TRIM62: variants seen among roughly 807,000 people sequenced by gnomAD.
TRIM62 encodes tripartite motif containing 62, also known as E3 ubiquitin-protein ligase TRIM62.
TRIM62 carries 39 observed loss-of-function variants against 44.2 expected under a neutral mutation model. That is an observed-to-expected ratio of 0.88 (90% CI 0.68 to 1.15). The LOEUF is 1.15. Among genes scored for constraint, TRIM62 ranks in the 50% most tolerant of loss-of-function variants. The pLI is 0.00. For synonymous variants in TRIM62, 278 were observed against 292.3 expected, an observed-to-expected ratio of 0.95 and a Z score of 0.50; for missense variants, 544 against 665.5, an observed-to-expected ratio of 0.82 and a Z score of 2.01.
rs1348483092 is a variant in TRIM62 at position 33,167,106 on chromosome 1, A to G, written c.409-1540T>C. Among the ~76,000 whole-genome samples the G allele has an allele frequency of 2.6e-5, 4 of 151,042 alleles. No homozygotes were observed. Among genetic ancestry groups the G allele is most frequent in the Non-Finnish European group, 4.4e-5 (3 of 67,816 alleles). ...CTATTCCCTCTGGCTGGTGGCCTCC[A>G]CTCTCAGAGTTTCTCACGGTGACTC... On this transcript the variant is annotated intron_variant, in intron 1 of 4. Coordinates refer to ENST00000291416, the MANE Select transcript of TRIM62 (RefSeq NM_018207.3). The surrounding 1 kb of genome is among the most constrained non-coding windows in gnomAD (Gnocchi z 4.2).
rs1645274042 is a variant in TRIM62, at chr1:33,161,919, C to T, written c.505-1975G>A. ...CATCCAGGTCAGCGCCTTCCATCCT[C>T]ACCCTGAACACCTGCCCCCATTTTC... On this transcript the variant is annotated intron_variant, in intron 2 of 4. Coordinates refer to ENST00000291416, the MANE Select transcript of TRIM62 (RefSeq NM_018207.3). This position sits in a 1 kb window ranked among gnomAD's most constrained non-coding sequence, Gnocchi z 4.3. Among the ~76,000 whole-genome samples the T allele has an allele frequency of 6.6e-6, 1 of 152,200 alleles. No homozygotes were observed. The highest frequency in any genetic ancestry group is 1.5e-5 in the Non-Finnish European group (1 of 68,038).
chr1:33,158,358 T>C lies in TRIM62; in HGVS notation c.772A>G (p.Lys258Glu). ...TATGTGAGGTTGGTCTCATGGATTT[T>C]TCCCTTGAGCCTGGAAGGAGAGCAG... ...VASLSERLKG[K>E]IHETNLTYED... is the part of the protein sequence containing the mutation. The change falls in exon 4 of 5, where the codon AAA becomes GAA. Residue 258 changes from lysine (K) to glutamate (E), a missense_variant. Transcript: ENST00000291416. 1 of 1,613,454 alleles carries C rather than the reference T, an allele frequency of 6.2e-7. No individual in the cohort carries two copies. The highest frequency in any genetic ancestry group is 1.7e-5 in the Admixed American group (1 of 60,008).
intron 4 of TRIM62, among the ~76,000 whole-genome samples, chr1:33,152,763 G>C (rs975979304): frequency 7.2e-5 from 11 of 152,176 alleles, no homozygotes; most frequent in African/African-American, 2.4e-4. Flanking sequence ...CTGGGGCTCT[G>C]AGAGGGGAGT....
Position 33,159,130 on chromosome 1 carries a change from C to T in TRIM62, c.761+558G>A, listed in dbSNP as rs1213852356. Among the ~76,000 whole-genome samples the T allele has an allele frequency of 6.6e-6, 1 of 152,026 alleles. No homozygotes were observed. Among genetic ancestry groups the T allele is most frequent in the Admixed American group, 6.6e-5 (1 of 15,266 alleles). Reference sequence around the variant, plus strand: ...AAAGTGCTGGGATTACAGGTGTGAGCCACCGTGCCCAGCAGGAGCCTCAGT... The same window carrying T: ...AAAGTGCTGGGATTACAGGTGTGAGTCACCGTGCCCAGCAGGAGCCTCAGT... On this transcript the variant is annotated intron_variant, in intron 3 of 4. Coordinates refer to ENST00000291416, the MANE Select transcript of TRIM62 (RefSeq NM_018207.3). The surrounding 1 kb of genome is among the most constrained non-coding windows in gnomAD (Gnocchi z 4.2).
intron 4 of TRIM62, among the ~76,000 whole-genome samples, chr1:33,152,410 A>T (rs1185080253): frequency 6.6e-6 from 1 of 152,190 alleles, no homozygotes; most frequent in African/African-American, 2.4e-5. Context: ...TACTAAAAAT[A>T]CAAAAAATTA....
chr1:33,172,241 C>CG (rs1645380341), intron 1 of TRIM62, among the ~76,000 whole-genome samples: 1 of 152,098 alleles, frequency 6.6e-6, no homozygotes, highest in African/African-American at 2.4e-5. Context: ...GGACTCAGAA[C>CG]GGGGGGAGCT....
intron 1 of TRIM62, among the ~76,000 whole-genome samples, chr1:33,173,709 T>G (rs567007422): frequency 6.6e-6 from 1 of 151,760 alleles, no homozygotes; most frequent in African/African-American, 2.4e-5. Context: ...TTAAAAAAAA[T>G]TTTTTTAGAG....
chr1:33,146,230 G>A lies in TRIM62; in HGVS notation c.*947C>T, dbSNP rs901046359. ...TGTCTAATTAAACCAGCTACAAGTG[G>A]CTCTTGTTTTCTGCAGCAGGATCCT... On this transcript the variant is annotated 3_prime_UTR_variant, in exon 5 of 5. Coordinates refer to ENST00000291416, the MANE Select transcript of TRIM62 (RefSeq NM_018207.3). 2 of 222,714 alleles carry A rather than the reference G, an allele frequency of 9.0e-6. No individual in the cohort carries two copies. The highest frequency in any genetic ancestry group is 2.3e-5 in the African/African-American group (1 of 43,154). The allele number at this position is 222,714 out of a possible 1,614,324, so 13.8% of individuals were successfully genotyped here.
intron 1 of TRIM62, among the ~76,000 whole-genome samples, chr1:33,173,257 C>T (rs967946932): frequency 1.3e-5 from 2 of 152,216 alleles, no homozygotes; most frequent in Admixed American, 1.3e-4. Context: ...CTTCTAGGGT[C>T]TCCCACCAGC....
intron 2 of TRIM62, chr1:33,163,493 T>G (rs1416413533): frequency 6.6e-6 from 1 of 152,212 alleles, no homozygotes; most frequent in Non-Finnish European, 1.5e-5. Context: ...AGAGAAAAGT[T>G]CTGCTCAACT....
At chr1:33,151,375 G>A (rs1198681091) in intron 4 of TRIM62, among the ~76,000 whole-genome samples, 1 of 152,090 alleles carries the variant, frequency 6.6e-6, no homozygotes, top group Non-Finnish European at 1.5e-5. Flanking sequence ...GTGAGGCTGG[G>A]GCAGGGTGTG....
rs1353025596 is a variant in TRIM62 at position 33,177,154 on chromosome 1, G to A, written c.408+3871C>T. Among the ~76,000 whole-genome samples the A allele has an allele frequency of 1.3e-5, 2 of 151,978 alleles. No homozygotes were observed. Among genetic ancestry groups the A allele is most frequent in the Non-Finnish European group, 2.9e-5 (2 of 67,998 alleles). ...ACACACACGCACATGCACACCCACA[G>A]GTTACATAAAAATCCTTAGAACTGT... On this transcript the variant is annotated intron_variant, in intron 1 of 4. Transcript: ENST00000291416. This position sits in a 1 kb window ranked among gnomAD's most constrained non-coding sequence, Gnocchi z 4.1.
At chr1:33,169,680 A>G (rs879874791) in intron 1 of TRIM62, among the ~76,000 whole-genome samples, 1 of 152,242 alleles carries the variant, frequency 6.6e-6, no homozygotes, top group Non-Finnish European at 1.5e-5. Flanking sequence ...GTGCTGTTCA[A>G]TACGACACAC....
intron 1 of TRIM62, among the ~76,000 whole-genome samples, chr1:33,179,027 C>G (rs914714368): frequency 6.6e-6 from 1 of 152,244 alleles, no homozygotes; most frequent in African/African-American, 2.4e-5. Flanking sequence ...AGCCCTGGCT[C>G]TCTCACTGTC....
In TRIM62 at chr1:33,159,869, T is replaced by C. The variant is rs1645238450; in HGVS notation, c.580A>G (p.Lys194Glu). 2.5e-6 allele frequency: 4 copies of C among 1,612,824 alleles called. No individual in the cohort carries two copies. The East Asian group carries it at 8.9e-5, about 36-fold the overall frequency. ...GCCTCCAGCTCCTCTAGCATGGCCT[T>C]CTGGCGTTCACGCAGCAGCCGGTGC... is the stretch of plus-strand genomic sequence containing the variant. Reference protein sequence around the residue: ...RLHRLLRERQKAMLEELEADT... With the variant: ...RLHRLLRERQEAMLEELEADT... Residue 194 changes from lysine to glutamate, a missense_variant, in exon 3 of 5, where the codon AAG becomes GAG. Physicochemically the swap from Lys to Glu is moderately conservative, Grantham distance 56 (BLOSUM62 1). Coordinates refer to ENST00000291416, the MANE Select transcript of TRIM62 (RefSeq NM_018207.3). This position sits in a 1 kb window ranked among gnomAD's most constrained non-coding sequence, Gnocchi z 4.2.
rs1033783882 is a variant in TRIM62, at chr1:33,159,698, G to T, written c.751C>A (p.Leu251Met). ...RHTFLAGVAS[L>M]SERLKGKIHE... is the part of the protein sequence containing the mutation. ...GCGGGTGGCACTTACCGCTCGGACAGTGAGGCCACCCCAGCCAGGAAGGTG... is the reference window on the plus strand; with the variant it reads ...GCGGGTGGCACTTACCGCTCGGACATTGAGGCCACCCCAGCCAGGAAGGTG... Residue 251 changes from leucine to methionine, a missense_variant, in exon 3 of 5, where the codon CTG becomes ATG. Leu to Met is a conservative substitution (Grantham distance 15). Transcript: ENST00000291416. This position sits in a 1 kb window ranked among gnomAD's most constrained non-coding sequence, Gnocchi z 4.2. 6.2e-7 allele frequency: 1 copy of T among 1,607,954 alleles called. No homozygotes were observed. Among genetic ancestry groups the T allele is most frequent in the South Asian group, 1.1e-5 (1 of 91,044 alleles).
chr1:33,154,267 G>A (rs769272554), intron 4 of TRIM62, among the ~76,000 whole-genome samples: 3 of 151,402 alleles, frequency 2.0e-5, no homozygotes, highest in African/African-American at 4.9e-5. Context: ...CCAAGGCTCC[G>A]ATTCCCTCCC....
At position 33,159,605 on chromosome 1, in the gene TRIM62, C is replaced by T. The variant is rs1437355693; in HGVS notation, c.761+83G>A. The T allele has an allele frequency of 2.0e-6, 3 of 1,493,784 alleles. No individual in the cohort carries two copies. Among genetic ancestry groups the T allele is most frequent in the African/African-American group, 1.4e-5 (1 of 72,008 alleles). The allele number at this position is 1,493,784 out of a possible 1,614,324, so 92.5% of individuals were successfully genotyped here. On this transcript the variant is annotated intron_variant, in intron 3 of 4. Transcript: ENST00000291416. This position sits in a 1 kb window ranked among gnomAD's most constrained non-coding sequence, Gnocchi z 4.2. ...AATGAAAGAATTCTCTGCTAAGGAT[C>T]CCATCTGCCTCCACTCCCACTGCCC...
rs1166301944 is a variant in TRIM62, at chr1:33,145,410, G to A, written c.*1767C>T. ...TGAATGGAACTGGCTACTGACATCTGTAACTTTAATTTAATACAAATTGAT... is the reference window on the plus strand; with the variant it reads ...TGAATGGAACTGGCTACTGACATCTATAACTTTAATTTAATACAAATTGAT... On this transcript the variant is annotated 3_prime_UTR_variant, in exon 5 of 5. Transcript: ENST00000291416. 2.5e-5 allele frequency: 4 copies of A among 162,046 alleles called. No homozygotes were observed. The highest frequency in any genetic ancestry group is 2.3e-4 in the Admixed American group (4 of 17,052). 10.0% of individuals were successfully genotyped at this position (162,046 alleles called of 1,614,324 possible).
Sources: allele counts gnomAD v4.1 joint callset (sites outside exome capture counted in the v4.1 genomes callset), GRCh38; gene constraint gnomAD v4.1.1; non-coding constraint Gnocchi (gnomAD v3.1); transcripts MANE v1.5; gene names NCBI Gene and HGNC (gene_info 2026-07-23, HGNC 2026-07-21).